Variants in RAB11FIP3 observed in about 807,000 individuals in gnomAD.
RAB11FIP3 encodes RAB11 family interacting protein 3.
Under a neutral mutation model 77.8 loss-of-function variants are expected in RAB11FIP3, and 17 were observed. The ratio of observed to expected loss-of-function variants is 0.22; its 90% CI spans 0.15 to 0.33. RAB11FIP3 has a LOEUF of 0.33. RAB11FIP3 is among the 10% of genes least tolerant of loss of function. The pLI is 1.00. For missense variants in RAB11FIP3, 1,005 were observed against 1,011.2 expected, an observed-to-expected ratio of 0.99 and a Z score of 0.08; for synonymous variants, 437 against 448.2, an observed-to-expected ratio of 0.98 and a Z score of 0.31.
chr16:491,310 G>A (rs1199674096), intron 5 of RAB11FIP3: 6 of 1,288,670 alleles, frequency 4.7e-6, no homozygotes, highest in South Asian at 1.2e-5. Flanking sequence ...TTCCCAGGGT[G>A]TGGGGGACTC....
At position 502,984 on chromosome 16, in the gene RAB11FIP3, T is replaced by C; in HGVS notation, c.1302-20T>C. 1.3e-6 allele frequency: 2 copies of C among 1,569,748 alleles called. No homozygotes were observed. The highest frequency in any genetic ancestry group is 1.8e-6 in the Non-Finnish European group (2 of 1,142,142). On this transcript the variant is annotated intron_variant, in intron 6 of 13. Transcript: ENST00000262305. ...GTGGTTTTTCCCTTTCTTCCCTCTG[T>C]TGTTGTGCCTTTTCTGTAGGTACCT...
intron 5 of RAB11FIP3, among the ~76,000 whole-genome samples, chr16:493,498 G>T (rs1337362514): frequency 2.6e-5 from 4 of 152,236 alleles, no homozygotes; most frequent in African/African-American, 9.6e-5. Flanking sequence ...ACGATGTCCA[G>T]TCGCCTCAGA....
chr16:499,117 CAG>C (rs2031337892), intron 6 of RAB11FIP3, among the ~76,000 whole-genome samples: 1 of 152,018 alleles, frequency 6.6e-6, no homozygotes, highest in South Asian at 2.1e-4. Flanking sequence ...GAGACTGAGG[CAG>C]GAGAATCACC....
intron 1 of RAB11FIP3, among the ~76,000 whole-genome samples, chr16:430,626 C>T (rs1229680958): frequency 6.6e-6 from 1 of 152,106 alleles, no homozygotes; most frequent in East Asian, 1.9e-4. Context: ...AAGATCTCAG[C>T]TCACTGCAAC....
chr16:492,395 C>T (rs1213568581), intron 5 of RAB11FIP3, among the ~76,000 whole-genome samples: 2 of 40,578 alleles, frequency 4.9e-5, no homozygotes, highest in Non-Finnish European at 1.3e-4. Context: ...CAGAGCCCTC[C>T]CCGGGAGACC....
At position 518,006 on chromosome 16, in the gene RAB11FIP3, C is replaced by T. The variant is rs1026273889; in HGVS notation, c.1641-937C>T. 4.6e-5 allele frequency among the ~76,000 whole-genome samples: 7 copies of T among 152,254 alleles called. No homozygotes were observed. The South Asian group carries it at 6.2e-4, about 14-fold the overall frequency. ...CTGAGGCAGGAGAATGGCGTGAACCCGGAAGGCGAAGCTTGCAGTGAGCCG... is the reference window on the plus strand; with the variant it reads ...CTGAGGCAGGAGAATGGCGTGAACCTGGAAGGCGAAGCTTGCAGTGAGCCG... On this transcript the variant is annotated intron_variant, in intron 9 of 13. Transcript: ENST00000262305.
chr16:513,609 C>T (rs538398097), intron 9 of RAB11FIP3, among the ~76,000 whole-genome samples: 1 of 152,208 alleles, frequency 6.6e-6, no homozygotes, highest in Non-Finnish European at 1.5e-5. Flanking sequence ...TTAAACTGAG[C>T]ATGTACTACT....
chr16:512,341 C>T (rs1028552852), intron 9 of RAB11FIP3, among the ~76,000 whole-genome samples: 15 of 149,500 alleles, frequency 1.0e-4, no homozygotes, highest in African/African-American at 3.0e-4. Context: ...CCCGGGTTCA[C>T]GCCATTCTCC....
Position 488,891 on chromosome 16 carries a change from G to A in RAB11FIP3, c.1156G>A (p.Gly386Ser). 6.2e-7 allele frequency: 1 copy of A among 1,614,040 alleles called. No homozygotes were observed. Among genetic ancestry groups the A allele is most frequent in the Non-Finnish European group, 8.5e-7 (1 of 1,179,998 alleles). ...HGQSVITVIG[G>S]EEHFEDYGEG... ...CCAGTCTGTCATCACGGTGATCGGG[G>A]GCGAGGAGCACTTTGAGGACTACGG... is the stretch of plus-strand genomic sequence containing the variant. Residue 386 changes from glycine (G) to serine (S), a missense_variant, in exon 5 of 14, where the codon GGC (glycine) becomes AGC (serine). By Grantham distance (56) the Gly-to-Ser change is moderately conservative. This residue lies in a region of RAB11FIP3 where 433 missense variants were observed against 436.1 expected (regional missense o/e 0.99). Coordinates refer to ENST00000262305, the MANE Select transcript of RAB11FIP3 (RefSeq NM_014700.4).
rs2031844640 is a variant in RAB11FIP3, at chr16:505,846, C to G, written c.1499+219C>G. ...CTCTGACTGGTGCTCTCATGGAACC[C>G]TAGACACACAGAGGGCCAGAGGAGG... On this transcript the variant is annotated intron_variant, in intron 8 of 13. Transcript: ENST00000262305. The surrounding 1 kb of genome is among the most constrained non-coding windows in gnomAD (Gnocchi z 4.0). 6.6e-6 allele frequency among the ~76,000 whole-genome samples: 1 copy of G among 152,118 alleles called. No homozygotes were observed. Among genetic ancestry groups the G allele is most frequent in the South Asian group, 2.1e-4 (1 of 4,826 alleles).
At chr16:488,473 A>C (rs891971581) in intron 4 of RAB11FIP3, among the ~76,000 whole-genome samples, 2 of 151,900 alleles carry the variant, frequency 1.3e-5, no homozygotes, top group African/African-American at 4.8e-5. Context: ...TAGTGGCATC[A>C]TCACTGCTCA....
At position 496,806 on chromosome 16, in the gene RAB11FIP3, A is replaced by T; in HGVS notation, c.1266-18A>T. 4 of 1,580,168 alleles carry T rather than the reference A, an allele frequency of 2.5e-6. No homozygotes were observed. Among genetic ancestry groups the T allele is most frequent in the Non-Finnish European group, 3.5e-6 (4 of 1,149,694 alleles). Reference sequence around the variant, plus strand: ...GTCTGTTCTAACAATTTTCCTGTTTATTTTGTTTTCTGCACAGTCCGACAA... The same window carrying T: ...GTCTGTTCTAACAATTTTCCTGTTTTTTTTGTTTTCTGCACAGTCCGACAA... On this transcript the variant is annotated intron_variant, in intron 5 of 13. Coordinates refer to ENST00000262305, the MANE Select transcript of RAB11FIP3 (RefSeq NM_014700.4).
In RAB11FIP3 at chr16:482,628, T is replaced by C; in HGVS notation, c.1007T>C (p.Leu336Pro). 1 of 1,613,508 alleles carries C rather than the reference T, an allele frequency of 6.2e-7. No homozygotes were observed. The highest frequency in any genetic ancestry group is 1.7e-5 in the Admixed American group (1 of 60,028). The change falls in exon 4 of 14, where the codon CTG becomes CCG. Residue 336 changes from leucine (L) to proline (P), a missense_variant. Leu to Pro is a moderately conservative substitution (Grantham distance 98, BLOSUM62 -3). Coordinates refer to ENST00000262305, the MANE Select transcript of RAB11FIP3 (RefSeq NM_014700.4). The part of the protein sequence containing the change: ...EDTSTLVHPE[L>P]QPEGDADSAG... Reference sequence around the variant, plus strand: ...ACCAGCACCCTGGTGCACCCTGAGCTGCAACCTGAAGGGGACGCAGACAGT... The same window carrying C: ...ACCAGCACCCTGGTGCACCCTGAGCCGCAACCTGAAGGGGACGCAGACAGT...
chr16:509,493 G>A (rs1338576930), intron 8 of RAB11FIP3, among the ~76,000 whole-genome samples: 4 of 152,284 alleles, frequency 2.6e-5, no homozygotes, highest in African/African-American at 7.2e-5. Flanking sequence ...GGCTCTGTGC[G>A]AGGCAGGGCC....
At chr16:496,743 C>T (rs1216528995) in intron 5 of RAB11FIP3, 81 bp from the exon 6 acceptor site, 1 of 1,384,984 alleles carries the variant, frequency 7.2e-7, no homozygotes, top group Admixed American at 1.9e-5. Flanking sequence ...CCTCGTATCT[C>T]CACAGCCTGA....
rs769744131 is a variant in RAB11FIP3, at chr16:426,341, C to G, written c.335C>G (p.Ser112Cys). The change falls in exon 1 of 14, where the codon TCC becomes TGC. Residue 112 changes from serine (S) to cysteine (C), a missense_variant. This residue lies in a region of RAB11FIP3 where 466 missense variants were observed against 408.3 expected (regional missense o/e 1.14). Coordinates refer to ENST00000262305, the MANE Select transcript of RAB11FIP3 (RefSeq NM_014700.4). The surrounding 1 kb of genome is among the most constrained non-coding windows in gnomAD (Gnocchi z 5.0). Reference protein sequence around the residue: ...SPDAPGPGPRSEAPLPELDPL... With the variant: ...SPDAPGPGPRCEAPLPELDPL... ...GACGCCCCGGGCCCAGGGCCGCGCT[C>G]CGAAGCGCCGCTTCCAGAACTCGAC... 2.0e-6 allele frequency: 3 copies of G among 1,503,364 alleles called. No homozygotes were observed. The highest frequency in any genetic ancestry group is 2.7e-6 in the Non-Finnish European group (3 of 1,126,926). 93.1% of individuals were successfully genotyped at this position (1,503,364 alleles called of 1,614,324 possible). A position where few individuals can be genotyped will look rare whatever the true frequency, so the allele number is the denominator to read the frequency against.
intron 5 of RAB11FIP3, among the ~76,000 whole-genome samples, chr16:495,544 C>T (rs1467317900): frequency 6.6e-6 from 1 of 152,184 alleles, no homozygotes; most frequent in African/African-American, 2.4e-5. Context: ...TGTCGGAGGG[C>T]CCTGCAGAGA....
intron 1 of RAB11FIP3, among the ~76,000 whole-genome samples, chr16:444,790 G>A (rs1288419751): frequency 6.6e-6 from 1 of 151,754 alleles, no homozygotes; most frequent in Admixed American, 6.6e-5. Flanking sequence ...TTCGAGACCA[G>A]CCTGGCCAAC....
chr16:500,245 C>T (rs927581650), intron 6 of RAB11FIP3, among the ~76,000 whole-genome samples: 11 of 152,226 alleles, frequency 7.2e-5, no homozygotes, highest in Non-Finnish European at 1.2e-4. Flanking sequence ...CAGGGATCCC[C>T]GTACCTCCTT....
Sources: allele counts gnomAD v4.1 joint callset (sites outside exome capture counted in the v4.1 genomes callset), GRCh38; gene constraint gnomAD v4.1.1; regional missense constraint gnomAD v4.1.1; non-coding constraint Gnocchi (gnomAD v3.1); transcripts MANE v1.5; gene names NCBI Gene and HGNC (gene_info 2026-07-23, HGNC 2026-07-21).